Variants in FAXDC2 observed in about 807,000 individuals in gnomAD.
FAXDC2 encodes the protein fatty acid hydroxylase domain containing 2, also known as fatty acid hydroxylase domain-containing protein 2.
Under a neutral mutation model 40.9 loss-of-function variants are expected in FAXDC2, and 41 were observed. The ratio of observed to expected loss-of-function variants is 1.00; its 90% CI spans 0.78 to 1.30. FAXDC2 has a LOEUF of 1.30. FAXDC2 is among the 50% of genes most tolerant of loss of function. The pLI, the probability that FAXDC2 is intolerant of heterozygous loss-of-function variation, is 0.00. For synonymous variants in FAXDC2, 157 were observed against 149.3 expected, an observed-to-expected ratio of 1.05 and a Z score of -0.38; for missense variants, 390 against 408.8, an observed-to-expected ratio of 0.95 and a Z score of 0.40.
chr5:154,821,556 G>C, intron 7 of FAXDC2, 130 bp from the exon 8 acceptor site: 1 of 654,452 alleles, frequency 1.5e-6, no homozygotes, highest in Non-Finnish European at 2.5e-6. Context: ...TGAGAGTTTC[G>C]GGACTTTGAT....
At position 154,830,929 on chromosome 5, in the gene FAXDC2, T is replaced by C. The variant is rs1489471781; in HGVS notation, c.245-7A>G. On this transcript the variant is annotated splice_region_variant and splice_polypyrimidine_tract_variant and intron_variant, in intron 4 of 8. Coordinates refer to ENST00000326080, the MANE Select transcript of FAXDC2 (RefSeq NM_032385.5). ...CAAGGCACTTGGATGGCACCTGAGA[T>C]TGGGAAACAGAAACAGTCAGGGCGA... The C allele has an allele frequency of 5.0e-6, 8 of 1,609,318 alleles. No homozygotes were observed. The highest frequency in any genetic ancestry group is 5.9e-6 in the Non-Finnish European group (7 of 1,179,310).
At chr5:154,831,060 A>G (rs545813445) in intron 4 of FAXDC2, 138 bp from the exon 5 acceptor site, 1 of 974,608 alleles carries the variant, frequency 1.0e-6, no homozygotes, top group South Asian at 1.6e-5. Flanking sequence ...GCTTGGGACC[A>G]AGGGGTTACC....
rs547825415 is a variant in FAXDC2 at position 154,832,288 on chromosome 5, G to A, written c.245-1366C>T. On this transcript the variant is annotated intron_variant, in intron 4 of 8. Coordinates refer to ENST00000326080, the MANE Select transcript of FAXDC2 (RefSeq NM_032385.5). ...GAGTGCAGTGGCGTGAGCTCAGCTC[G>A]CTGCAAGATCTGCCTCCCGGGTTCA... 6.0e-5 allele frequency among the ~76,000 whole-genome samples: 9 copies of A among 149,854 alleles called. No homozygotes were observed. The East Asian group carries it at 1.4e-3, about 23-fold the overall frequency.
intron 2 of FAXDC2, among the ~76,000 whole-genome samples, 184 bp downstream of exon 2, chr5:154,837,947 G>A (rs922858689): frequency 2.6e-5 from 4 of 152,198 alleles, no homozygotes; most frequent in African/African-American, 9.7e-5. Flanking sequence ...CAGGCAAAGG[G>A]GTTGTGGGTA....
rs371288456 is a variant in FAXDC2 at position 154,839,280 on chromosome 5, C to T, written c.1-1102G>A. 1.3e-3 allele frequency among the ~76,000 whole-genome samples: 188 copies of T among 149,174 alleles called. 1 individual carries two copies. The highest frequency in any genetic ancestry group is 4.3e-3 in the African/African-American group (175 of 40,362). The stretch of plus-strand genomic sequence containing the variant: ...GGCGGAGGTTGCACTGAGCCAAGAT[C>T]GCACCATTGCACTCCAGCCTGGGCA... On this transcript the variant is annotated intron_variant, in intron 1 of 8. Transcript: ENST00000326080.
chr5:154,842,244 C>T (rs562441990), intron 1 of FAXDC2, among the ~76,000 whole-genome samples: 32 of 152,060 alleles, frequency 2.1e-4, no homozygotes, highest in Non-Finnish European at 3.4e-4. Context: ...GTCACCTAGG[C>T]TGGAGCGTAG....
intron 2 of FAXDC2, chr5:154,835,249 T>G (rs1446864374): frequency 1.9e-5 from 5 of 266,052 alleles, no homozygotes; most frequent in Admixed American, 5.0e-5. Context: ...AGCCATAGGA[T>G]TTCATCACCA....
chr5:154,821,128 TC>T, intron 8 of FAXDC2, 131 bp downstream of exon 8: 1 of 785,824 alleles, frequency 1.3e-6, no homozygotes, highest in South Asian at 1.6e-5. Flanking sequence ...GTGGTTATTT[TC>T]CCAGCCATCA....
At chr5:154,837,453 A>T (rs994430430) in intron 2 of FAXDC2, among the ~76,000 whole-genome samples, 1 of 152,072 alleles carries the variant, frequency 6.6e-6, no homozygotes, top group Non-Finnish European at 1.5e-5. Context: ...TACATGGGCC[A>T]TTCAAAGGTC....
intron 5 of FAXDC2, chr5:154,824,720 G>A (rs889777274): frequency 1.9e-5 from 11 of 585,648 alleles, no homozygotes; most frequent in African/African-American, 1.5e-4. Flanking sequence ...TAAAGCATGA[G>A]CAAAACAAAG....
At chr5:154,827,134 A>G (rs1055050020) in intron 5 of FAXDC2, among the ~76,000 whole-genome samples, 2 of 151,968 alleles carry the variant, frequency 1.3e-5, no homozygotes, top group Non-Finnish European at 2.9e-5. Context: ...GTGAAACCCC[A>G]TCTCTACTGA....
At position 154,822,905 on chromosome 5, in the gene FAXDC2, A is replaced by T. The variant is rs78818392; in HGVS notation, c.573-328T>A. On this transcript the variant is annotated intron_variant, in intron 6 of 8. Coordinates refer to ENST00000326080, the MANE Select transcript of FAXDC2 (RefSeq NM_032385.5). The stretch of plus-strand genomic sequence containing the variant: ...GGACATTCATTCCTCAGTTGTCCCA[A>T]GTTGTCAGTTATGAGACAACTAGTG... 3.4e-3 allele frequency among the ~76,000 whole-genome samples: 516 copies of T among 152,328 alleles called. 2 individuals are homozygous for T. The highest frequency in any genetic ancestry group is 0.012 in the African/African-American group (487 of 41,570).
intron 4 of FAXDC2, 64 bp from the exon 5 acceptor site, chr5:154,830,986 A>G: frequency 4.4e-6 from 7 of 1,587,084 alleles, no homozygotes; most frequent in Non-Finnish European, 6.0e-6. Context: ...AGACTAACAG[A>G]ACATACTTTT....
chr5:154,821,043 G>A (rs1759874816), intron 8 of FAXDC2: 3 of 546,450 alleles, frequency 5.5e-6, no homozygotes, highest in Admixed American at 3.7e-5. Flanking sequence ...AGGGCCCAGA[G>A]TCCAAATAAA....
chr5:154,821,577 C>A, intron 7 of FAXDC2, 151 bp from the exon 8 acceptor site: 1 of 590,714 alleles, frequency 1.7e-6, no homozygotes. Flanking sequence ...TTGTTGAAGG[C>A]ATTCACCTTT....
At chr5:154,846,394 G>A (rs1231892148) in intron 1 of FAXDC2, among the ~76,000 whole-genome samples, 1 of 152,026 alleles carries the variant, frequency 6.6e-6, no homozygotes, top group African/African-American at 2.4e-5. Flanking sequence ...GGGATAGAAA[G>A]ATGAATAAGA....
intron 1 of FAXDC2, among the ~76,000 whole-genome samples, chr5:154,842,285 C>T (rs1413672722): frequency 6.6e-6 from 1 of 151,956 alleles, no homozygotes; most frequent in Non-Finnish European, 1.5e-5. Flanking sequence ...GCAACCTCCA[C>T]CTCCTGGGTT....
intron 1 of FAXDC2, among the ~76,000 whole-genome samples, chr5:154,844,974 T>C (rs553788214): frequency 3.3e-5 from 5 of 152,326 alleles, no homozygotes; most frequent in African/African-American, 1.2e-4. Context: ...TTGCTTACTT[T>C]CTGGTGGTGA....
intron 1 of FAXDC2, among the ~76,000 whole-genome samples, chr5:154,843,917 G>C (rs1187232861): frequency 1.3e-5 from 2 of 152,042 alleles, no homozygotes; most frequent in East Asian, 3.9e-4. Flanking sequence ...CTTAAGCCCA[G>C]GAGTTCAAGA....
Sources: allele counts gnomAD v4.1 joint callset (sites outside exome capture counted in the v4.1 genomes callset), GRCh38; gene constraint gnomAD v4.1.1; transcripts MANE v1.5; gene names NCBI Gene and HGNC (gene_info 2026-07-23, HGNC 2026-07-21).